The following CCDC171 variants were observed in gnomAD, a reference collection of about 807,000 sequenced individuals.
CCDC171 encodes coiled-coil domain-containing protein 171.
Under a neutral mutation model 168.2 loss-of-function variants are expected in CCDC171, and 177 were observed. The observed-to-expected ratio is 1.05, with a 90% confidence interval of 0.93 to 1.19. CCDC171 has a LOEUF of 1.19. CCDC171 is among the 50% of genes most tolerant of loss of function. The pLI is 0.00. For synonymous variants in CCDC171, 687 were observed against 540.8 expected, an observed-to-expected ratio of 1.27 and a Z score of -3.75; for missense variants, 1,991 against 1,539.0, an observed-to-expected ratio of 1.29 and a Z score of -4.91.
In CCDC171 at chr9:15,734,365, C is replaced by T. The variant is rs180876861; in HGVS notation, c.2049+4567C>T. On this transcript the variant is annotated intron_variant, in intron 16 of 25. Transcript: ENST00000380701. ...CAACCTGACCAACATGGAGAAACCC[C>T]GTTTCTACTAAAAGTACAAAAAATT... Among the ~76,000 whole-genome samples, 1,078 of 152,092 alleles carry T rather than the reference C, an allele frequency of 7.1e-3. 7 individuals carry two copies. The highest frequency in any genetic ancestry group is 0.01 in the Non-Finnish European group (712 of 67,986).
chr9:15,989,463 C>G (rs945302765), intron 3 of CCDC171, among the ~76,000 whole-genome samples: 2 of 152,078 alleles, frequency 1.3e-5, no homozygotes, highest in African/African-American at 4.8e-5. Context: ...TAGGTAAACC[C>G]TCAAAGATGG....
intron 24 of CCDC171, among the ~76,000 whole-genome samples, chr9:15,879,401 G>A (rs895356136): frequency 1.3e-5 from 2 of 151,914 alleles, no homozygotes; most frequent in African/African-American, 4.8e-5. Flanking sequence ...GGGTAATTTG[G>A]TTATCTGTCC....
chr9:16,043,309 GT>G (rs1224042685), intron 1 of CCDC171, among the ~76,000 whole-genome samples: 3 of 151,930 alleles, frequency 2.0e-5, no homozygotes, highest in Admixed American at 6.6e-5. Context: ...GTGTATCCTT[GT>G]TCTTATATCT....
At chr9:16,076,975 C>T in the CCDC171 span, among the ~76,000 whole-genome samples, 1 of 152,208 alleles carries the variant, frequency 6.6e-6, no homozygotes, top group Non-Finnish European at 1.5e-5. Flanking sequence ...TAATCGTCTT[C>T]TAAATAGTTT....
At chr9:15,974,204 G>C (rs77855935), downstream of CCDC171, among the ~76,000 whole-genome samples, 2 of 151,746 alleles carry the variant, frequency 1.3e-5, no homozygotes, top group Non-Finnish European at 2.9e-5. Flanking sequence ...GCGATCATTA[G>C]TATTCACTAC....
intron 10 of CCDC171, among the ~76,000 whole-genome samples, chr9:15,679,910 A>G (rs2049922867): frequency 6.6e-6 from 1 of 152,162 alleles, no homozygotes; most frequent in Non-Finnish European, 1.5e-5. Flanking sequence ...ACCTGCAATG[A>G]CTAAAATGCT....
downstream of CCDC171, among the ~76,000 whole-genome samples, chr9:16,062,268 G>A (rs962363761): frequency 2.0e-5 from 3 of 152,154 alleles, no homozygotes; most frequent in African/African-American, 7.2e-5. Flanking sequence ...AATGGAGCTG[G>A]AAACCATTAT....
In CCDC171 at chr9:15,657,217, C is replaced by T; in HGVS notation, c.913C>T (p.Gln305Ter). ...ATCAAAATTTAATTCTGAAATTATT[C>T]AGGTAAAATGTAAACAAATATTTTG... ...LESKFNSEII[Q>*]LRIRDLEGAL... Residue 305 changes from glutamine (Q) to a stop codon, truncating the protein, a stop_gained and splice_region_variant, in exon 8 of 26, where the codon CAG (glutamine) becomes TAG (stop). Transcript: ENST00000380701. LOFTEE classifies it high-confidence loss of function. 1 of 1,589,582 alleles carries T rather than the reference C, an allele frequency of 6.3e-7. No individual in the cohort carries two copies. The highest frequency in any genetic ancestry group is 8.6e-7 in the Non-Finnish European group (1 of 1,159,876).
intron 24 of CCDC171, among the ~76,000 whole-genome samples, chr9:15,884,240 C>T (rs1819084960): frequency 6.6e-6 from 1 of 150,584 alleles, no homozygotes; most frequent in Non-Finnish European, 1.5e-5. Flanking sequence ...GGTGATATTA[C>T]CTGGTCTGGT....
intron 21 of CCDC171, among the ~76,000 whole-genome samples, chr9:15,840,075 AATT>A (rs2060613262): frequency 6.6e-6 from 1 of 152,130 alleles, no homozygotes. Flanking sequence ...TGGCCATTTA[AATT>A]CTGTAGTACA....
At chr9:15,865,845 C>CGTGTGTGTGT (rs1285086348) in intron 23 of CCDC171, among the ~76,000 whole-genome samples, 1 of 60,720 alleles carries the variant, frequency 1.6e-5, no homozygotes, top group African/African-American at 4.1e-5. Flanking sequence ...TTCAACTCTG[C>CGTGTGTGTGT]GTGCGTGTGT....
chr9:15,852,442 G>T (rs930573816), intron 23 of CCDC171, among the ~76,000 whole-genome samples: 1 of 151,578 alleles, frequency 6.6e-6, no homozygotes, highest in Non-Finnish European at 1.5e-5. Context: ...TCTTTTTGTT[G>T]TTGAGTTTTA....
At chr9:15,814,101 CTTAA>C (rs1198003959) in intron 21 of CCDC171, among the ~76,000 whole-genome samples, 1 of 152,100 alleles carries the variant, frequency 6.6e-6, no homozygotes, top group Non-Finnish European at 1.5e-5. Context: ...TTTTGCTAGT[CTTAA>C]TTAATTTTGT....
upstream of CCDC171, among the ~76,000 whole-genome samples, chr9:16,041,139 C>A (rs1229739588): frequency 6.6e-6 from 1 of 152,158 alleles, no homozygotes; most frequent in Non-Finnish European, 1.5e-5. Flanking sequence ...TAGCAGAAGG[C>A]AGCACTAGGT....
chr9:15,597,797 C>G (rs1170451392), intron 6 of CCDC171, among the ~76,000 whole-genome samples: 1 of 152,086 alleles, frequency 6.6e-6, no homozygotes, highest in African/African-American at 2.4e-5. Context: ...GGTTGGTAAG[C>G]TATTAATTAT....
At chr9:15,677,143 A>T (rs1587905143) in intron 9 of CCDC171, among the ~76,000 whole-genome samples, 1 of 152,018 alleles carries the variant, frequency 6.6e-6, no homozygotes, top group Admixed American at 6.6e-5. Flanking sequence ...TGCTTTGTTT[A>T]TTCTTTGCAC....
chr9:15,799,135 C>CATGTATAT (rs2058695240), intron 21 of CCDC171, among the ~76,000 whole-genome samples: 1 of 109,024 alleles, frequency 9.2e-6, no homozygotes, highest in Non-Finnish European at 1.8e-5. Flanking sequence ...TCATCATTGC[C>CATGTATAT]ATATATATAT....
chr9:15,992,603 G>A (rs1422480675), intron 3 of CCDC171, among the ~76,000 whole-genome samples: 2 of 152,162 alleles, frequency 1.3e-5, no homozygotes, highest in Non-Finnish European at 2.9e-5. Flanking sequence ...GGGCAGTCAG[G>A]CAGGAGGAAG....
intron 7 of CCDC171, among the ~76,000 whole-genome samples, chr9:15,627,250 A>T (rs950827376): frequency 6.6e-6 from 1 of 150,752 alleles, no homozygotes; most frequent in African/African-American, 2.4e-5. Context: ...AATTTTGTTG[A>T]TCTTTTCAAA....
Sources: allele counts gnomAD v4.1 joint callset (sites outside exome capture counted in the v4.1 genomes callset), GRCh38; gene constraint gnomAD v4.1.1; transcripts MANE v1.5; gene names NCBI Gene and HGNC (gene_info 2026-07-23, HGNC 2026-07-21).